TNNT1: variants seen among roughly 807,000 people sequenced by gnomAD.
The protein encoded by TNNT1 is troponin T, slow skeletal muscle.
In TNNT1, 53 loss-of-function variants were observed where a neutral mutation model predicts 50.6. That is an observed-to-expected ratio of 1.05 (90% CI 0.84 to 1.32). The LOEUF is 1.32. Ranked by LOEUF, TNNT1 falls within the 40% of genes most tolerant of loss-of-function variation. The pLI, the probability that TNNT1 is intolerant of heterozygous loss-of-function variation, is 0.00. For synonymous variants in TNNT1, 142 were observed against 138.0 expected, an observed-to-expected ratio of 1.03 and a Z score of -0.20; for missense variants, 348 against 381.7, an observed-to-expected ratio of 0.91 and a Z score of 0.74.
intron 9 of TNNT1, among the ~76,000 whole-genome samples, chr19:55,140,166 A>G (rs2085424612): frequency 6.6e-6 from 1 of 150,878 alleles, no homozygotes; most frequent in African/African-American, 2.4e-5. Context: ...AAAGAAGAAA[A>G]TGGAGAATCC....
At position 55,137,085 on chromosome 19, in the gene TNNT1, G is replaced by GC; in HGVS notation, c.611+17dup. ...TCACACCCAGGCCCCTACACCCCGA[G>GC]CCCCCCACAGCACCTACCGGAGCTG... On this transcript the variant is annotated intron_variant, in intron 11 of 13. Coordinates refer to ENST00000588981, the MANE Select transcript of TNNT1 (RefSeq NM_003283.6). 6 of 1,338,560 alleles carry GC rather than the reference G, an allele frequency of 4.5e-6. No individual in the cohort carries two copies. The highest frequency in any genetic ancestry group is 6.4e-6 in the Non-Finnish European group (6 of 942,296). 82.9% of individuals were successfully genotyped at this position (1,338,560 alleles called of 1,614,324 possible). A position where few individuals can be genotyped will look rare whatever the true frequency, so the allele number is the denominator to read the frequency against.
Position 55,133,667 on chromosome 19 carries a change from G to C in TNNT1, c.791+220C>G, listed in dbSNP as rs1352048907. ...CACTCCAGCCTGGGTGACAGAGCGAGACGCAGTCTCAATAAAAAAAAAAAA... is the reference window on the plus strand; with the variant it reads ...CACTCCAGCCTGGGTGACAGAGCGACACGCAGTCTCAATAAAAAAAAAAAA... On this transcript the variant is annotated intron_variant, in intron 13 of 13. Transcript: ENST00000588981. 3 of 599,188 alleles carry C rather than the reference G, an allele frequency of 5.0e-6. No homozygotes were observed. In the African/African-American group the frequency reaches 5.7e-5, roughly 11 times the overall value. The allele number at this position is 599,188 out of a possible 1,614,324, so 37.1% of individuals were successfully genotyped here. A position where few individuals can be genotyped will look rare whatever the true frequency, so the allele number is the denominator to read the frequency against.
In TNNT1 at chr19:55,146,384, C is replaced by T. The variant is rs1022033073; in HGVS notation, c.106+50G>A. On this transcript the variant is annotated intron_variant, in intron 5 of 13. Transcript: ENST00000588981. ...GTTGGGGCCCGAGGATATCGGGGGT[C>T]CCCCCGGGCCCCCGACATCGGTCTC... 6.4e-5 allele frequency: 84 copies of T among 1,305,978 alleles called. No homozygotes were observed. In the African/African-American group the frequency reaches 1.2e-3, roughly 18 times the overall value. 80.9% of individuals were successfully genotyped at this position (1,305,978 alleles called of 1,614,324 possible).
chr19:55,141,768 C>T, intron 7 of TNNT1, 89 bp downstream of exon 7: 1 of 1,514,398 alleles, frequency 6.6e-7, no homozygotes, highest in Non-Finnish European at 9.2e-7. Flanking sequence ...GCATGAGGCC[C>T]CGCGCCCGGC....
chr19:55,138,558 G>T (rs1306556856), intron 9 of TNNT1, among the ~76,000 whole-genome samples: 3 of 152,016 alleles, frequency 2.0e-5, no homozygotes, highest in Non-Finnish European at 4.4e-5. Flanking sequence ...GATTACAGGC[G>T]TGAGCCACCG....
At position 55,137,890 on chromosome 19, in the gene TNNT1, G is replaced by A. The variant is rs115866474; in HGVS notation, c.501+71C>T. ...CAGGCCTCAGCCCCTCCTCCGTTAG[G>A]AACCAGAGGTCTGGCCCCCAGCCCC... On this transcript the variant is annotated intron_variant, in intron 10 of 13. Coordinates refer to ENST00000588981, the MANE Select transcript of TNNT1 (RefSeq NM_003283.6). 1.4e-3 allele frequency: 2,279 copies of A among 1,576,966 alleles called. 28 individuals are homozygous for A. The African/African-American group carries it at 0.028, about 19-fold the overall frequency.
chr19:55,136,310 C>T (rs1474135995), intron 11 of TNNT1, among the ~76,000 whole-genome samples: 1 of 152,118 alleles, frequency 6.6e-6, no homozygotes, highest in Admixed American at 6.6e-5. Flanking sequence ...TGGTCTCCAA[C>T]TCCTGGCCTC....
At chr19:55,142,212 C>T (rs2085471029) in intron 6 of TNNT1, among the ~76,000 whole-genome samples, 1 of 151,970 alleles carries the variant, frequency 6.6e-6, no homozygotes, top group Admixed American at 6.6e-5. Context: ...GCTCCGCCTC[C>T]TGGGTTCACG....
At chr19:55,136,246 T>G (rs887732744) in intron 11 of TNNT1, among the ~76,000 whole-genome samples, 4 of 152,110 alleles carry the variant, frequency 2.6e-5, no homozygotes, top group Non-Finnish European at 5.9e-5. Context: ...CACAGGAAGC[T>G]GCTGCTGTAA....
intron 4 of TNNT1, 40 bp downstream of exon 4, chr19:55,146,641 C>G (rs1372397908): frequency 7.4e-7 from 1 of 1,355,050 alleles, no homozygotes; most frequent in Non-Finnish European, 9.9e-7. Flanking sequence ...CCCCGCCCCC[C>G]CACCCCCCAG....
chr19:55,146,630 T>TGCCCC, intron 4 of TNNT1, 51 bp downstream of exon 4: 1 of 1,025,184 alleles, frequency 9.8e-7, no homozygotes, highest in Non-Finnish European at 1.4e-6. Context: ...GGGCCCAGCG[T>TGCCCC]CCCCGCCCCC....
In TNNT1 at chr19:55,137,150, C is replaced by T; in HGVS notation, c.564G>A (p.Glu188=). ...AGTCAATGTCCAGAGGCTTCTTACGCTCGGAGAGGATGCGCACCTTCATCT... is the reference window on the plus strand; with the variant it reads ...AGTCAATGTCCAGAGGCTTCTTACGTTCGGAGAGGATGCGCACCTTCATCT... ...GREMKVRILS[E]RKKPLDIDYM... Residue 188 remains glutamate (E), a synonymous_variant, in exon 11 of 14, where the codon GAG becomes GAA. Transcript: ENST00000588981. 6.2e-7 allele frequency: 1 copy of T among 1,613,232 alleles called. No homozygotes were observed. Among genetic ancestry groups the T allele is most frequent in the South Asian group, 1.1e-5 (1 of 91,044 alleles).
chr19:55,133,599 A>C (rs2085286664), intron 13 of TNNT1: 1 of 504,594 alleles, frequency 2.0e-6, no homozygotes, highest in Non-Finnish European at 3.6e-6. Flanking sequence ...AATCGCTTGA[A>C]CCCGGGAGAT....
chr19:55,134,135 C>T lies in TNNT1; in HGVS notation c.681G>A (p.Ser227=), dbSNP rs776884783. The part of the protein sequence containing the change: ...CPAREKAQEL[S]DWIHQLESEK... Reference sequence around the variant, plus strand: ...CAGACTCCAGCTGGTGGATCCAGTCCGACAGCTCCTGGGCTTTCTCCCTGG... The same window carrying T: ...CAGACTCCAGCTGGTGGATCCAGTCTGACAGCTCCTGGGCTTTCTCCCTGG... The change falls in exon 12 of 14, where the codon TCG becomes TCA. Residue 227 remains serine (S), a synonymous_variant. Coordinates refer to ENST00000588981, the MANE Select transcript of TNNT1 (RefSeq NM_003283.6). 1.3e-5 allele frequency: 21 copies of T among 1,609,358 alleles called. No individual in the cohort carries two copies. The highest frequency in any genetic ancestry group is 5.6e-5 in the South Asian group (5 of 89,988).
At chr19:55,133,017 GC>G in intron 13 of TNNT1, 57 bp from the exon 14 acceptor site, 1 of 1,469,020 alleles carries the variant, frequency 6.8e-7, no homozygotes, top group Non-Finnish European at 9.4e-7. Context: ...TCTGAAATGG[GC>G]CCCAGGCCCT....
intron 7 of TNNT1, 122 bp downstream of exon 7, chr19:55,141,735 C>T: frequency 8.6e-7 from 1 of 1,164,790 alleles, no homozygotes. Context: ...TCACCTCAGC[C>T]TCCCAAAGTG....
chr19:55,137,360 G>T, intron 10 of TNNT1, 148 bp from the exon 11 acceptor site: 1 of 642,304 alleles, frequency 1.6e-6, no homozygotes, highest in South Asian at 1.8e-5. Context: ...AGACCTAGGA[G>T]TCCAGCCCCA....
chr19:55,140,303 T>A (rs1276522327), intron 9 of TNNT1, among the ~76,000 whole-genome samples: 1 of 150,752 alleles, frequency 6.6e-6, no homozygotes, highest in African/African-American at 2.4e-5. Context: ...CTACAAAAAA[T>A]AAAAAAATAA....
chr19:55,147,083 C>G, intron 2 of TNNT1, 43 bp downstream of exon 2: 1 of 1,613,456 alleles, frequency 6.2e-7, no homozygotes, highest in Non-Finnish European at 8.5e-7. Context: ...GGGAGAGCCT[C>G]TCCACCACTG....
Sources: allele counts gnomAD v4.1 joint callset (sites outside exome capture counted in the v4.1 genomes callset), GRCh38; gene constraint gnomAD v4.1.1; transcripts MANE v1.5; gene names NCBI Gene and HGNC (gene_info 2026-07-23, HGNC 2026-07-21).